Variants in PLCB4 observed in about 807,000 individuals in gnomAD.
The protein encoded by PLCB4 is phospholipase C beta 4.
PLCB4 carries 77 observed loss-of-function variants against 178.8 expected under a neutral mutation model. The ratio of observed to expected loss-of-function variants is 0.43; its 90% CI spans 0.36 to 0.52. PLCB4 has a LOEUF of 0.52. Among genes scored for constraint, PLCB4 ranks in the 20% least tolerant of loss-of-function variants. PLCB4 has a pLI of 0.00. For missense variants in PLCB4, 1,024 were observed against 1,453.4 expected (o/e 0.70, Z 4.80); for synonymous variants, 496 against 490.8 (o/e 1.01, Z -0.14).
intron 35 of PLCB4, among the ~76,000 whole-genome samples, chr20:9,466,796 C>T (rs375874314): frequency 2.0e-5 from 3 of 152,106 alleles, no homozygotes; most frequent in South Asian, 2.1e-4. Context: ...CTGGAGAGGA[C>T]GTGGAGAAAT....
At chr20:9,152,346 G>T (rs1216381380) in intron 2 of PLCB4, among the ~76,000 whole-genome samples, 1 of 152,140 alleles carries the variant, frequency 6.6e-6, no homozygotes, top group Non-Finnish European at 1.5e-5. Flanking sequence ...CAGACCCAGA[G>T]GTCTAGGAGG....
At chr20:9,097,304 C>G (rs540274461) in intron 2 of PLCB4, among the ~76,000 whole-genome samples, 26 of 121,034 alleles carry the variant, frequency 2.1e-4, no homozygotes, top group African/African-American at 8.0e-4. Context: ...CTCTCCTGTT[C>G]TGAAAGGTGT....
intron 2 of PLCB4, among the ~76,000 whole-genome samples, chr20:9,173,400 C>T (rs552716637): frequency 1.5e-4 from 23 of 152,270 alleles, no homozygotes; most frequent in African/African-American, 3.4e-4. Context: ...AGGAGACACA[C>T]GCTCTCCAGT....
intron 3 of PLCB4, among the ~76,000 whole-genome samples, chr20:9,267,568 A>G (rs2094361532): frequency 1.3e-5 from 2 of 151,698 alleles, no homozygotes; most frequent in Admixed American, 6.6e-5. Flanking sequence ...TCTCTAGAAA[A>G]TCAGTTATTG....
intron 2 of PLCB4, among the ~76,000 whole-genome samples, chr20:9,171,476 GTCA>G (rs1428571542): frequency 6.6e-6 from 1 of 152,122 alleles, no homozygotes; most frequent in African/African-American, 2.4e-5. Context: ...ATGTATAGTT[GTCA>G]AACTATAGAC....
At chr20:9,202,413 A>C (rs959486545) in intron 2 of PLCB4, among the ~76,000 whole-genome samples, 3 of 152,246 alleles carry the variant, frequency 2.0e-5, no homozygotes, top group Non-Finnish European at 4.4e-5. Context: ...TTTTAAAACC[A>C]GTTATACCTC....
intron 35 of PLCB4, among the ~76,000 whole-genome samples, chr20:9,463,137 C>T (rs578147203): frequency 6.6e-6 from 1 of 152,288 alleles, no homozygotes; most frequent in African/African-American, 2.4e-5. Context: ...AAAGGATTTT[C>T]AACCCAGAAT....
chr20:9,273,384 G>A (rs535203076), intron 3 of PLCB4, among the ~76,000 whole-genome samples: 48 of 152,180 alleles, frequency 3.2e-4, no homozygotes, highest in African/African-American at 1.1e-3. Flanking sequence ...ATACGGAGAG[G>A]TTAAGTACTT....
chr20:9,382,123 A>G (rs993832909), intron 13 of PLCB4, among the ~76,000 whole-genome samples: 3 of 152,150 alleles, frequency 2.0e-5, no homozygotes, highest in Non-Finnish European at 4.4e-5. Context: ...TAGTACCGTT[A>G]TTTACCCAGT....
chr20:9,158,624 C>T (rs1164159196), intron 2 of PLCB4, among the ~76,000 whole-genome samples: 1 of 151,428 alleles, frequency 6.6e-6, no homozygotes, highest in East Asian at 1.9e-4. Flanking sequence ...AAAGAGAAAC[C>T]TTACACCTCT....
chr20:9,476,095 GAATGGATTCAGTCCATTAGCT>G (rs2044523364), intron 38 of PLCB4, among the ~76,000 whole-genome samples: 1 of 152,194 alleles, frequency 6.6e-6, no homozygotes, highest in Non-Finnish European at 1.5e-5. Context: ...GCAAGGCCTG[GAATGGATTCAGTCCATTAGCT>G]AAACCAGTGT....
chr20:9,278,055 C>T (rs536436707), intron 3 of PLCB4, among the ~76,000 whole-genome samples: 1 of 152,104 alleles, frequency 6.6e-6, no homozygotes, highest in South Asian at 2.1e-4. Flanking sequence ...TGAATGTTTT[C>T]ATGTTGCTTT....
chr20:9,385,528 C>A (rs2037533249), intron 14 of PLCB4, among the ~76,000 whole-genome samples: 1 of 150,602 alleles, frequency 6.6e-6, no homozygotes. Flanking sequence ...AAAGGCGCTT[C>A]TCACATCCCA....
intron 1 of PLCB4, among the ~76,000 whole-genome samples, chr20:9,085,220 A>G (rs1376221248): frequency 2.0e-5 from 3 of 152,178 alleles, no homozygotes; most frequent in South Asian, 2.1e-4. Flanking sequence ...TAGCTACAGC[A>G]TAGAATGGGG....
At chr20:9,177,335 T>C (rs2093171689) in intron 2 of PLCB4, among the ~76,000 whole-genome samples, 1 of 152,160 alleles carries the variant, frequency 6.6e-6, no homozygotes, top group Non-Finnish European at 1.5e-5. Flanking sequence ...TTGGGTTTGT[T>C]TTACAGATTT....
At chr20:9,432,251 A>G (rs2041470855) in intron 28 of PLCB4, among the ~76,000 whole-genome samples, 1 of 152,214 alleles carries the variant, frequency 6.6e-6, no homozygotes, top group Non-Finnish European at 1.5e-5. Flanking sequence ...GGATCATTTA[A>G]TATCTTGCTT....
intron 39 of PLCB4, 77 bp from the exon 40 acceptor site, chr20:9,478,844 A>G: frequency 9.9e-7 from 1 of 1,013,184 alleles, no homozygotes; most frequent in Non-Finnish European, 1.6e-6. Flanking sequence ...TATTTATGGG[A>G]GAAGAGAGGC....
chr20:9,389,885 A>C lies in PLCB4; in HGVS notation c.1165A>C (p.Ile389Leu), dbSNP rs373874403. Residue 389 changes from isoleucine (I) to leucine (L), a missense_variant, in exon 16 of 40, where the codon ATT becomes CTT. Physicochemically the swap from Ile to Leu is conservative, Grantham distance 5 (BLOSUM62 2). Coordinates refer to ENST00000378473, the MANE Select transcript of PLCB4 (RefSeq NM_001377142.1). The part of the protein sequence containing the change: ...MCTDILFKDV[I>L]QAIKETAFVT... The stretch of plus-strand genomic sequence containing the variant: ...TTTTTTTTTGTTTTTAAAGGATGTA[A>C]TTCAAGCCATCAAGGAAACTGCATT... 3 of 1,568,786 alleles carry C rather than the reference A, an allele frequency of 1.9e-6. No homozygotes were observed. The African/African-American group carries it at 4.1e-5, about 21-fold the overall frequency.
chr20:9,074,564 A>G (rs891778639), intron 1 of PLCB4, among the ~76,000 whole-genome samples: 4 of 152,276 alleles, frequency 2.6e-5, no homozygotes, highest in Non-Finnish European at 5.9e-5. Flanking sequence ...TTTACAAGGG[A>G]CACTTACTTT....
Sources: gnomAD v4.1 joint callset for allele counts (sites outside exome capture counted in the v4.1 genomes callset) on GRCh38, gnomAD v4.1.1 for gene constraint, MANE v1.5 for transcripts, NCBI Gene and HGNC (gene_info 2026-07-23, HGNC 2026-07-21) for gene names.